DGKG: variants seen among roughly 807,000 people sequenced by gnomAD.
The protein encoded by DGKG is DAG kinase gamma.
Under a neutral mutation model 105.3 loss-of-function variants are expected in DGKG, and 78 were observed. That is an observed-to-expected ratio of 0.74 (90% CI 0.62 to 0.89). The LOEUF (loss-of-function observed/expected upper bound fraction) is 0.89. Ranked by LOEUF, DGKG falls within the 40% of genes least tolerant of loss-of-function variation. The pLI is 0.00. For missense variants in DGKG, 958 were observed against 1,020.1 expected (o/e 0.94, Z 0.83); for synonymous variants, 346 against 367.1 (o/e 0.94, Z 0.66).
At chr3:186,236,746 G>A (rs578114223) in intron 20 of DGKG, among the ~76,000 whole-genome samples, 5 of 152,352 alleles carry the variant, frequency 3.3e-5, no homozygotes, top group Admixed American at 6.5e-5. Context: ...TTTTGAGAAA[G>A]GTGGTCAGCT....
chr3:186,351,010 T>C (rs1246123112), intron 1 of DGKG, among the ~76,000 whole-genome samples: 1 of 152,238 alleles, frequency 6.6e-6, no homozygotes, highest in Non-Finnish European at 1.5e-5. Context: ...TTTTCAGATA[T>C]GCGGTTTTCA....
chr3:186,334,101 T>A (rs534829888), intron 1 of DGKG, among the ~76,000 whole-genome samples: 1 of 152,294 alleles, frequency 6.6e-6, no homozygotes, highest in East Asian at 1.9e-4. Context: ...ATCCCCTTTT[T>A]GTTTCCCATA....
Position 186,226,968 on chromosome 3 carries a change from G to A in DGKG, c.1827-15083C>T, listed in dbSNP as rs952574556. 6.6e-6 allele frequency among the ~76,000 whole-genome samples: 1 copy of A among 152,184 alleles called. No homozygotes were observed. Among genetic ancestry groups the A allele is most frequent in the Non-Finnish European group, 1.5e-5 (1 of 68,026 alleles). On this transcript the variant is annotated intron_variant, in intron 20 of 24. Coordinates refer to ENST00000265022, the MANE Select transcript of DGKG (RefSeq NM_001346.3). The surrounding 1 kb of genome is among the most constrained non-coding windows in gnomAD (Gnocchi z 4.2). ...GGAAAATGCCTTCTTAGTAAAATAT[G>A]AAGTGGTAAGCACCTCCTAACCCCT...
At chr3:186,271,070 C>T (rs138974464) in intron 11 of DGKG, among the ~76,000 whole-genome samples, 25 of 152,292 alleles carry the variant, frequency 1.6e-4, no homozygotes, top group Non-Finnish European at 2.6e-4. Flanking sequence ...TAGGAGGTGC[C>T]TTTCTCTACC....
chr3:186,289,844 C>A (rs1723236801), intron 5 of DGKG, among the ~76,000 whole-genome samples: 1 of 152,112 alleles, frequency 6.6e-6, no homozygotes, highest in Non-Finnish European at 1.5e-5. Flanking sequence ...TTGAGGAAGG[C>A]AATGTTACCT....
intron 11 of DGKG, 58 bp from the exon 12 acceptor site, chr3:186,268,975 C>G (rs948371648): frequency 7.8e-6 from 10 of 1,289,528 alleles, no homozygotes; most frequent in Non-Finnish European, 1.1e-5. Flanking sequence ...CCCCGGGGCC[C>G]TGGGCTGGAG....
chr3:186,272,669 G>A lies in DGKG; in HGVS notation c.911-326C>T, dbSNP rs139784028. The stretch of plus-strand genomic sequence containing the variant: ...CGGCATCATCCTCCTGGCTATGCCA[G>A]TGCCACTGTATTGCATGCCCGGGAC... On this transcript the variant is annotated intron_variant, in intron 10 of 24. Coordinates refer to ENST00000265022, the MANE Select transcript of DGKG (RefSeq NM_001346.3). Among the ~76,000 whole-genome samples, 694 of 152,338 alleles carry A rather than the reference G, an allele frequency of 4.6e-3. 12 individuals carry two copies. Among genetic ancestry groups the A allele is most frequent in the African/African-American group, 0.015 (631 of 41,586 alleles).
chr3:186,211,276 C>T (rs1431556625), intron 21 of DGKG, among the ~76,000 whole-genome samples: 2 of 152,194 alleles, frequency 1.3e-5, no homozygotes, highest in African/African-American at 4.8e-5. Context: ...TGTGACCACA[C>T]AGGTTGCACA....
rs748995880 is a variant in DGKG, at chr3:186,275,673, G to C, written c.793-9C>G. The C allele has an allele frequency of 6.2e-7, 1 of 1,609,192 alleles. No individual in the cohort carries two copies. The highest frequency in any genetic ancestry group is 8.5e-7 in the Non-Finnish European group (1 of 1,176,858). On this transcript the variant is annotated splice_polypyrimidine_tract_variant and intron_variant, in intron 9 of 24. Coordinates refer to ENST00000265022, the MANE Select transcript of DGKG (RefSeq NM_001346.3). ...CCATCCCCCTTGGAGCCCTGCAGGG[G>C]TAATAGGAGGTGAGACCCCAAGCTG...
intron 21 of DGKG, among the ~76,000 whole-genome samples, chr3:186,199,146 T>C: frequency 6.6e-6 from 1 of 152,112 alleles, no homozygotes; most frequent in East Asian, 1.9e-4. Flanking sequence ...AGACAGGGTT[T>C]CACCATGTTG....
At chr3:186,259,141 C>G (rs538778488) in intron 16 of DGKG, among the ~76,000 whole-genome samples, 1 of 152,350 alleles carries the variant, frequency 6.6e-6, no homozygotes, top group East Asian at 1.9e-4. Context: ...TGAACAGACG[C>G]TCCCTCCAGC....
chr3:186,288,003 A>T (rs1170483432), intron 6 of DGKG, among the ~76,000 whole-genome samples: 7 of 152,206 alleles, frequency 4.6e-5, no homozygotes, highest in South Asian at 2.1e-4. Flanking sequence ...CTGTAGGCTC[A>T]CAGAAGCCAG....
intron 11 of DGKG, among the ~76,000 whole-genome samples, chr3:186,269,930 C>A (rs1369139653): frequency 6.6e-6 from 1 of 152,092 alleles, no homozygotes; most frequent in Non-Finnish European, 1.5e-5. Flanking sequence ...GAGGCTGAAC[C>A]CTCAGTTCCC....
intron 6 of DGKG, among the ~76,000 whole-genome samples, chr3:186,285,802 C>T (rs1326417682): frequency 6.6e-6 from 1 of 151,988 alleles, no homozygotes; most frequent in African/African-American, 2.4e-5. Flanking sequence ...GCCTCACCCT[C>T]CTGAGTCGCT....
At chr3:186,214,165 A>G (rs1433292376) in intron 20 of DGKG, among the ~76,000 whole-genome samples, 1 of 152,218 alleles carries the variant, frequency 6.6e-6, no homozygotes, top group Non-Finnish European at 1.5e-5. Context: ...ATAAAGGTTA[A>G]GAGGTCACGG....
At chr3:186,180,924 C>G (rs1717328656) in intron 22 of DGKG, among the ~76,000 whole-genome samples, 2 of 152,176 alleles carry the variant, frequency 1.3e-5, no homozygotes, top group Non-Finnish European at 2.9e-5. Flanking sequence ...AGTAGCAGAG[C>G]CAAGGTATTG....
At chr3:186,161,219 A>G (rs1716275152) in intron 24 of DGKG, 1 of 1,010,182 alleles carries the variant, frequency 9.9e-7, no homozygotes, top group Non-Finnish European at 1.2e-6. Flanking sequence ...GTAAGGAAGC[A>G]ATTTGACTTG....
intron 1 of DGKG, among the ~76,000 whole-genome samples, chr3:186,323,621 G>C (rs1213964797): frequency 6.6e-6 from 1 of 152,062 alleles, no homozygotes; most frequent in Non-Finnish European, 1.5e-5. Context: ...GTGAAACCTT[G>C]TCTCTACTAA....
Position 186,272,183 on chromosome 3 carries a change from C to A in DGKG, c.999+72G>T, listed in dbSNP as rs1347930000. The A allele has an allele frequency of 8.8e-6, 11 of 1,250,920 alleles. No homozygotes were observed. In the Admixed American group the frequency reaches 1.9e-4, roughly 21 times the overall value. 77.5% of individuals were successfully genotyped at this position (1,250,920 alleles called of 1,614,324 possible). On this transcript the variant is annotated intron_variant, in intron 11 of 24. Coordinates refer to ENST00000265022, the MANE Select transcript of DGKG (RefSeq NM_001346.3). ...GAAGCTCCCAGTGCCCCTTCCTGCCCAGGAATCCATGTTGATGGACATGTT... is the reference window on the plus strand; with the variant it reads ...GAAGCTCCCAGTGCCCCTTCCTGCCAAGGAATCCATGTTGATGGACATGTT...
Sources: gnomAD v4.1 joint callset for allele counts (sites outside exome capture counted in the v4.1 genomes callset) on GRCh38, gnomAD v4.1.1 for gene constraint, Gnocchi (gnomAD v3.1) non-coding constraint, MANE v1.5 for transcripts, NCBI Gene and HGNC (gene_info 2026-07-23, HGNC 2026-07-21) for gene names.